Variants in EDA observed in about 807,000 individuals in gnomAD.
The protein encoded by EDA is ectodysplasin A.
A neutral mutation model predicts 23.6 loss-of-function variants in EDA; 2 were observed. That is an observed-to-expected ratio of 0.08 (90% CI 0.03 to 0.27). The LOEUF is 0.27. Among genes scored for constraint, EDA ranks in the 10% least tolerant of loss-of-function variants. EDA has a pLI of 1.00. For synonymous variants in EDA, 131 were observed against 132.0 expected (o/e 0.99, Z 0.05); for missense variants, 229 against 324.2 (o/e 0.71, Z 2.26).
intron 2 of EDA, among the ~76,000 whole-genome samples, chrX:70,013,399 C>T (rs999807343): frequency 9.0e-6 from 1 of 111,181 alleles, no homozygotes; most frequent in Non-Finnish European, 1.9e-5. Flanking sequence ...GTAGCTGCCC[C>T]AACCCTGACT....
At chrX:69,677,334 G>A (rs1934135758) in intron 1 of EDA, among the ~76,000 whole-genome samples, 1 of 110,266 alleles carries the variant, frequency 9.1e-6, no homozygotes, top group Non-Finnish European at 1.9e-5. Context: ...AGTCCTTTGG[G>A]TATATACCCA....
Position 69,880,405 on chromosome X carries a change from C to A in EDA, c.397-76622C>A, listed in dbSNP as rs759786072. 8.0e-5 allele frequency among the ~76,000 whole-genome samples: 9 copies of A among 112,072 alleles called. No homozygotes were observed. In the South Asian group the frequency reaches 1.5e-3, roughly 19 times the overall value. ...AGAAGGACATGCTTAACAACAACAA[C>A]AAAAAATTCAAAACATCTATTTCCT... On this transcript the variant is annotated intron_variant, in intron 1 of 7. Transcript: ENST00000374552.
At chrX:69,648,497 G>A (rs1037820382) in intron 1 of EDA, among the ~76,000 whole-genome samples, 12 of 112,547 alleles carry the variant, frequency 1.1e-4, no homozygotes, top group African/African-American at 3.2e-4. Flanking sequence ...GCTGTGCTGC[G>A]CTGTGGGGAA....
At position 69,700,115 on chromosome X, in the gene EDA, C is replaced by T. The variant is rs979148031; in HGVS notation, c.396+83411C>T. 4.5e-5 allele frequency among the ~76,000 whole-genome samples: 5 copies of T among 110,537 alleles called. No individual in the cohort carries two copies. In the East Asian group the frequency reaches 8.6e-4, roughly 19 times the overall value. On this transcript the variant is annotated intron_variant, in intron 1 of 7. Transcript: ENST00000374552. ...GGGAGACCTGATACCCCTGTTCTGCCAAGAAGTTGAAAAGAGGGATAGTAT... is the reference window on the plus strand; with the variant it reads ...GGGAGACCTGATACCCCTGTTCTGCTAAGAAGTTGAAAAGAGGGATAGTAT...
chrX:69,635,672 G>A (rs927426488), intron 1 of EDA, among the ~76,000 whole-genome samples: 44 of 99,985 alleles, frequency 4.4e-4, no homozygotes, highest in Non-Finnish European at 8.4e-4. Flanking sequence ...GGTTTCAAGC[G>A]ATTCTCCTGC....
chrX:69,925,834 G>T (rs1187416457), intron 1 of EDA, among the ~76,000 whole-genome samples: 1 of 96,457 alleles, frequency 1.0e-5, no homozygotes, highest in African/African-American at 3.8e-5. Context: ...CTCAATTTTA[G>T]AACTTATTAT....
chrX:69,958,823 C>A (rs2019058426), intron 2 of EDA, among the ~76,000 whole-genome samples: 1 of 111,244 alleles, frequency 9.0e-6, no homozygotes, highest in African/African-American at 3.3e-5. Flanking sequence ...ACATGTAAGT[C>A]TCTCCACCTT....
intron 1 of EDA, among the ~76,000 whole-genome samples, chrX:69,732,039 T>C (rs1206979983): frequency 9.0e-6 from 1 of 111,701 alleles, no homozygotes; most frequent in East Asian, 2.8e-4. Flanking sequence ...TTTCCTTCTT[T>C]ATTCTGTTGA....
chrX:69,839,619 T>C (rs1023068779), intron 1 of EDA, among the ~76,000 whole-genome samples: 4 of 112,360 alleles, frequency 3.6e-5, no homozygotes, highest in African/African-American at 1.3e-4. Flanking sequence ...CCATGTATGA[T>C]CCCCTTTACT....
At chrX:69,749,018 A>G (rs1231373214) in intron 1 of EDA, among the ~76,000 whole-genome samples, 2 of 100,926 alleles carry the variant, frequency 2.0e-5, no homozygotes, top group African/African-American at 3.6e-5. Context: ...TACATGTGCC[A>G]TGCTGGTGCG....
intron 1 of EDA, among the ~76,000 whole-genome samples, chrX:69,681,360 C>T (rs773251881): frequency 4.6e-5 from 5 of 109,800 alleles, no homozygotes; most frequent in Middle Eastern, 4.2e-3. Flanking sequence ...TGAATCTGAA[C>T]GTTGGCCTGC....
chrX:70,010,938 A>G lies in EDA; in HGVS notation c.503-12280A>G, dbSNP rs190475474. Among the ~76,000 whole-genome samples the G allele has an allele frequency of 4.6e-4, 51 of 112,047 alleles. No homozygotes were observed. The East Asian group carries it at 8.7e-3, about 19-fold the overall frequency. On this transcript the variant is annotated intron_variant, in intron 2 of 7. Coordinates refer to ENST00000374552, the MANE Select transcript of EDA (RefSeq NM_001399.5). ...ATCTCTACCGGGTCCCTCCCACAAC[A>G]TGTGGGAATTATGGGAGCTACAATT... is the stretch of plus-strand genomic sequence containing the variant.
At chrX:69,910,076 C>T (rs1373119476) in intron 1 of EDA, among the ~76,000 whole-genome samples, 1 of 111,385 alleles carries the variant, frequency 9.0e-6, no homozygotes, top group African/African-American at 3.3e-5. Context: ...TATTAAGCCC[C>T]TACTATGTGT....
chrX:69,638,688 C>T (rs1932804925), intron 1 of EDA, among the ~76,000 whole-genome samples: 1 of 111,808 alleles, frequency 8.9e-6, no homozygotes, highest in African/African-American at 3.2e-5. Context: ...AGTTTCTGTA[C>T]CGTAAGCCTA....
At chrX:69,630,575 C>T (rs1374025351) in intron 1 of EDA, among the ~76,000 whole-genome samples, 2 of 112,262 alleles carry the variant, frequency 1.8e-5, no homozygotes, top group African/African-American at 6.5e-5. Flanking sequence ...TCCCTGTCTC[C>T]TTCGCACTGT....
intron 1 of EDA, among the ~76,000 whole-genome samples, chrX:69,863,712 T>C (rs760133219): frequency 9.3e-6 from 1 of 107,381 alleles, no homozygotes; most frequent in African/African-American, 3.4e-5. Context: ...TGTGTGGGCA[T>C]ATATGTATAT....
chrX:69,693,234 G>T (rs1429099827), intron 1 of EDA: 1 of 110,934 alleles, frequency 9.0e-6, no homozygotes, highest in African/African-American at 3.3e-5. Context: ...CCAGAACAAA[G>T]GGAGGGGAGA....
intron 2 of EDA, among the ~76,000 whole-genome samples, chrX:69,979,673 G>A (rs1484759398): frequency 9.0e-6 from 1 of 111,110 alleles, no homozygotes; most frequent in East Asian, 2.8e-4. Flanking sequence ...GTGATTATTG[G>A]CCATTTGTAT....
chrX:70,030,909 G>C (rs943823667), intron 6 of EDA, among the ~76,000 whole-genome samples: 2 of 112,453 alleles, frequency 1.8e-5, no homozygotes, highest in Non-Finnish European at 3.8e-5. Context: ...CTACACAGGT[G>C]GGCAGACAGG....
Sources: gnomAD v4.1 joint callset for allele counts (sites outside exome capture counted in the v4.1 genomes callset) on GRCh38, gnomAD v4.1.1 for gene constraint, MANE v1.5 for transcripts, NCBI Gene and HGNC (gene_info 2026-07-23, HGNC 2026-07-21) for gene names.